Variants in GLRA3 observed in about 807,000 individuals in gnomAD.
GLRA3 encodes the protein glycine receptor alpha 3.
GLRA3 carries 44 observed loss-of-function variants against 60.4 expected under a neutral mutation model. The observed-to-expected ratio is 0.73, with a 90% CI of 0.57 to 0.94. GLRA3 has a LOEUF of 0.94. GLRA3 is among the 40% of genes least tolerant of loss of function. The pLI is 0.00. For synonymous variants in GLRA3, 223 were observed against 192.9 expected, an observed-to-expected ratio of 1.16 and a Z score of -1.29; for missense variants, 508 against 564.6, an observed-to-expected ratio of 0.90 and a Z score of 1.02.
chr4:174,824,019 CCA>C (rs1740858037), intron 1 of GLRA3, among the ~76,000 whole-genome samples: 1 of 152,104 alleles, frequency 6.6e-6, no homozygotes, highest in South Asian at 2.1e-4. Context: ...TTTCTTTGCA[CCA>C]CAGTATACTC....
chr4:174,720,655 G>T (rs1736095342), intron 4 of GLRA3, among the ~76,000 whole-genome samples: 1 of 152,024 alleles, frequency 6.6e-6, no homozygotes, highest in Non-Finnish European at 1.5e-5. Context: ...CATTTTCCAG[G>T]GTTGTTTATG....
chr4:174,699,822 A>C (rs1021564284), intron 5 of GLRA3, among the ~76,000 whole-genome samples: 2 of 133,840 alleles, frequency 1.5e-5, no homozygotes, highest in African/African-American at 5.4e-5. Flanking sequence ...ATAATTAATA[A>C]TTTATTTGTT....
chr4:174,734,421 GAT>G (rs1736689625), intron 3 of GLRA3, among the ~76,000 whole-genome samples: 1 of 152,146 alleles, frequency 6.6e-6, no homozygotes, highest in Non-Finnish European at 1.5e-5. Flanking sequence ...TGGGGCCACT[GAT>G]TCTGCAGTAA....
At chr4:174,732,493 G>C (rs1231471486) in intron 3 of GLRA3, among the ~76,000 whole-genome samples, 1 of 151,656 alleles carries the variant, frequency 6.6e-6, no homozygotes, top group African/African-American at 2.4e-5. Flanking sequence ...ATATACAAAA[G>C]TATTTATAGC....
chr4:174,690,432 C>A (rs577952249), intron 5 of GLRA3, among the ~76,000 whole-genome samples: 1 of 152,038 alleles, frequency 6.6e-6, no homozygotes, highest in Non-Finnish European at 1.5e-5. Flanking sequence ...CAAAATCAGA[C>A]CTATGTGTGG....
intron 2 of GLRA3, among the ~76,000 whole-genome samples, chr4:174,767,476 T>C (rs1051604371): frequency 6.6e-6 from 1 of 152,148 alleles, no homozygotes; most frequent in African/African-American, 2.4e-5. Flanking sequence ...CCTTCCCACC[T>C]CCAATCCAAA....
chr4:174,794,267 G>C (rs1739473430), intron 1 of GLRA3, among the ~76,000 whole-genome samples: 1 of 152,096 alleles, frequency 6.6e-6, no homozygotes, highest in African/African-American at 2.4e-5. Flanking sequence ...AAATTCTCCA[G>C]TAGTGGATGT....
At chr4:174,729,273 T>A (rs911082339) in intron 3 of GLRA3, among the ~76,000 whole-genome samples, 2 of 152,222 alleles carry the variant, frequency 1.3e-5, no homozygotes, top group African/African-American at 4.8e-5. Context: ...TTAGTAGATA[T>A]CCAATAACAT....
intron 5 of GLRA3, among the ~76,000 whole-genome samples, chr4:174,684,659 A>G (rs1449825048): frequency 1.3e-5 from 2 of 152,228 alleles, no homozygotes; most frequent in East Asian, 1.9e-4. Context: ...CACAATTACC[A>G]TGGAGGTAGA....
chr4:174,686,272 A>G lies in GLRA3; in HGVS notation c.575-3333T>C, dbSNP rs1464330185. Among the ~76,000 whole-genome samples, 3 of 152,206 alleles carry G rather than the reference A, an allele frequency of 2.0e-5. No homozygotes were observed. The East Asian group carries it at 5.8e-4, about 29-fold the overall frequency. ...AATTTTAAAAAATCAATACTTTTTT[A>G]CACAATTCAAAATGTTTTAAGATCC... On this transcript the variant is annotated intron_variant, in intron 5 of 9. Transcript: ENST00000274093.
chr4:174,807,163 C>T (rs564524655), intron 1 of GLRA3, among the ~76,000 whole-genome samples: 5 of 151,966 alleles, frequency 3.3e-5, no homozygotes, highest in Non-Finnish European at 7.4e-5. Context: ...CTACTTCAAA[C>T]TTACGGTGTT....
intron 1 of GLRA3, among the ~76,000 whole-genome samples, chr4:174,808,037 GA>G (rs1245144445): frequency 6.6e-6 from 1 of 152,030 alleles, no homozygotes; most frequent in Non-Finnish European, 1.5e-5. Flanking sequence ...CAGAAGAAGA[GA>G]GAACTCTAGG....
chr4:174,820,022 T>C (rs1740676045), intron 1 of GLRA3, among the ~76,000 whole-genome samples: 1 of 152,238 alleles, frequency 6.6e-6, no homozygotes, highest in Non-Finnish European at 1.5e-5. Context: ...TATGAAGCGT[T>C]ATTTTAGTGA....
At chr4:174,824,831 A>C (rs1480450971) in intron 1 of GLRA3, among the ~76,000 whole-genome samples, 1 of 151,958 alleles carries the variant, frequency 6.6e-6, no homozygotes, top group Non-Finnish European at 1.5e-5. Flanking sequence ...TTTATTCTAG[A>C]CTCTAAGTTG....
intron 3 of GLRA3, among the ~76,000 whole-genome samples, chr4:174,748,877 T>A (rs1737349699): frequency 6.6e-6 from 1 of 152,046 alleles, no homozygotes; most frequent in African/African-American, 2.4e-5. Flanking sequence ...TAGAAAGATA[T>A]TAAAGCTAGG....
At chr4:174,798,020 A>T (rs1429806650) in intron 1 of GLRA3, among the ~76,000 whole-genome samples, 4 of 152,218 alleles carry the variant, frequency 2.6e-5, no homozygotes, top group Non-Finnish European at 5.9e-5. Flanking sequence ...ATGACTTTTA[A>T]TATAATTGCC....
At chr4:174,645,371 C>T (rs1170436894) in intron 9 of GLRA3, among the ~76,000 whole-genome samples, 1 of 145,888 alleles carries the variant, frequency 6.9e-6, no homozygotes, top group Non-Finnish European at 1.5e-5. Flanking sequence ...GAGATCGCAC[C>T]ACTGCACTCC....
intron 1 of GLRA3, among the ~76,000 whole-genome samples, chr4:174,799,822 T>A (rs1193627372): frequency 6.6e-6 from 1 of 152,080 alleles, no homozygotes; most frequent in South Asian, 2.1e-4. Context: ...GATTCATATG[T>A]ACAACACCTG....
Position 174,775,113 on chromosome 4 carries a change from T to C in GLRA3, c.200-8083A>G, listed in dbSNP as rs191605036. Among the ~76,000 whole-genome samples the C allele has an allele frequency of 1.4e-4, 21 of 152,244 alleles. 1 individual carries two copies. In the East Asian group the frequency reaches 4.1e-3, roughly 29 times the overall value. On this transcript the variant is annotated intron_variant, in intron 2 of 9. Coordinates refer to ENST00000274093, the MANE Select transcript of GLRA3 (RefSeq NM_006529.4). The stretch of plus-strand genomic sequence containing the variant: ...ACCCCATCAACATTTCAAATGAACA[T>C]GTATAGTTTTAGAAGAGCTTATTAT...
Sources: gnomAD v4.1 joint callset for allele counts (sites outside exome capture counted in the v4.1 genomes callset) on GRCh38, gnomAD v4.1.1 for gene constraint, MANE v1.5 for transcripts, NCBI Gene and HGNC (gene_info 2026-07-23, HGNC 2026-07-21) for gene names.